The following RAB31 variants were observed in gnomAD, a reference collection of about 807,000 sequenced individuals.
RAB31 encodes RAB31, member RAS oncogene family.
A neutral mutation model predicts 25.6 loss-of-function variants in RAB31; 21 were observed. The ratio of observed to expected loss-of-function variants is 0.82; its 90% CI spans 0.58 to 1.18. The LOEUF (loss-of-function observed/expected upper bound fraction) is 1.18. Ranked by LOEUF, RAB31 falls within the 50% of genes most tolerant of loss-of-function variation. The pLI is 0.00. For missense variants in RAB31, 196 were observed against 250.1 expected (o/e 0.78, Z 1.46); for synonymous variants, 87 against 84.0 (o/e 1.04, Z -0.20).
At chr18:9,775,380 CCTT>C (rs2068366980) in intron 2 of RAB31, 23 bp downstream of exon 2, 1 of 1,613,172 alleles carries the variant, frequency 6.2e-7, no homozygotes, top group Non-Finnish European at 8.5e-7. Flanking sequence ...ATGTCATTCT[CCTT>C]CGCGTTGCTT....
intron 2 of RAB31, among the ~76,000 whole-genome samples, chr18:9,780,399 GA>G (rs1216344262): frequency 6.6e-6 from 1 of 151,808 alleles, no homozygotes; most frequent in African/African-American, 2.4e-5. Flanking sequence ...AACTGAAAAT[GA>G]AAAAAACATG....
intron 2 of RAB31, among the ~76,000 whole-genome samples, chr18:9,783,997 G>T (rs1268866137): frequency 1.3e-5 from 2 of 152,130 alleles, no homozygotes; most frequent in Non-Finnish European, 2.9e-5. Context: ...AAAGTGGAGT[G>T]TATCTATTTT....
chr18:9,846,077 C>T (rs1176936037), intron 6 of RAB31, among the ~76,000 whole-genome samples: 1 of 152,178 alleles, frequency 6.6e-6, no homozygotes, highest in East Asian at 1.9e-4. Flanking sequence ...CTGAGGGAAC[C>T]TTCCAGTAAC....
intron 6 of RAB31, among the ~76,000 whole-genome samples, chr18:9,850,584 G>A (rs479032): frequency 0.65 from 98,626 of 152,176 alleles, 31,997 homozygotes; most frequent in South Asian, 0.75. Context: ...GTTAATTTAA[G>A]TGTTGACTGT....
chr18:9,709,523 G>C (rs960273322), intron 1 of RAB31, among the ~76,000 whole-genome samples: 1 of 152,206 alleles, frequency 6.6e-6, no homozygotes, highest in Admixed American at 6.5e-5. Context: ...AAATGATTTC[G>C]GTGAGGACTG....
At chr18:9,787,068 A>T (rs2068437246) in intron 2 of RAB31, 1 of 208,062 alleles carries the variant, frequency 4.8e-6, no homozygotes. Flanking sequence ...ATCTGCCTGA[A>T]CTACAGCTAT....
rs972755438 is a variant in RAB31, at chr18:9,815,285, T to G, written c.380+63T>G. 36 of 1,006,660 alleles carry G rather than the reference T, an allele frequency of 3.6e-5. 1 individual carries two copies. Among genetic ancestry groups the G allele is most frequent in the East Asian group, 5.5e-5 (1 of 18,338 alleles). 62.4% of individuals were successfully genotyped at this position (1,006,660 alleles called of 1,614,324 possible). A position where few individuals can be genotyped will look rare whatever the true frequency, so the allele number is the denominator to read the frequency against. ...CCTCCATCCCTGAGTGTCATCCGTGTAGATACTGTCCTCCATCCCTGAGTG... is the reference window on the plus strand; with the variant it reads ...CCTCCATCCCTGAGTGTCATCCGTGGAGATACTGTCCTCCATCCCTGAGTG... On this transcript the variant is annotated intron_variant, in intron 5 of 6. Coordinates refer to ENST00000578921, the MANE Select transcript of RAB31 (RefSeq NM_006868.4).
intron 1 of RAB31, chr18:9,734,946 C>A (rs2068143099): frequency 1.3e-5 from 4 of 310,064 alleles, no homozygotes; most frequent in South Asian, 1.2e-4. Flanking sequence ...TTTATAGTAG[C>A]CCAGTTGCAC....
chr18:9,782,229 C>T (rs1172305090), intron 2 of RAB31, among the ~76,000 whole-genome samples: 31 of 152,204 alleles, frequency 2.0e-4, no homozygotes, highest in Admixed American at 2.0e-3. Context: ...AGTTCCTGGC[C>T]CTGGCACTGC....
chr18:9,713,793 C>A (rs1299359032), intron 1 of RAB31, among the ~76,000 whole-genome samples: 1 of 152,216 alleles, frequency 6.6e-6, no homozygotes, highest in African/African-American at 2.4e-5. Context: ...GACCAAGGCG[C>A]TGGCAGATCT....
At position 9,824,810 on chromosome 18, in the gene RAB31, G is replaced by T. The variant is rs571308530; in HGVS notation, c.380+9588G>T. On this transcript the variant is annotated intron_variant, in intron 5 of 6. Transcript: ENST00000578921. Reference sequence around the variant, plus strand: ...TCTTGGTGAGAGATTTTCCTATCTTGAACAACCCTAAACAAAATCTCCCCT... The same window carrying T: ...TCTTGGTGAGAGATTTTCCTATCTTTAACAACCCTAAACAAAATCTCCCCT... Among the ~76,000 whole-genome samples the T allele has an allele frequency of 1.8e-4, 27 of 152,262 alleles. No homozygotes were observed. The East Asian group carries it at 5.2e-3, about 29-fold the overall frequency.
Position 9,859,424 on chromosome 18 carries a change from G to C in RAB31, c.*99G>C. On this transcript the variant is annotated 3_prime_UTR_variant, in exon 7 of 7. Transcript: ENST00000578921. ...TCGGTGGCCTGGCACCTCACTTTGA[G>C]AAGAGTGAGCACACTGGCTTTGCAT... The C allele has an allele frequency of 9.8e-7, 1 of 1,022,410 alleles. No homozygotes were observed. The highest frequency in any genetic ancestry group is 1.5e-6 in the Non-Finnish European group (1 of 684,058). 63.3% of individuals were successfully genotyped at this position (1,022,410 alleles called of 1,614,324 possible).
Position 9,859,717 on chromosome 18 carries a change from C to A in RAB31, c.*392C>A, listed in dbSNP as rs1486892580. The stretch of plus-strand genomic sequence containing the variant: ...GTGCTACCTATCCAAATTCCAGTAA[C>A]TACTTCAGTGTCATTGCCTTTGTTA... On this transcript the variant is annotated 3_prime_UTR_variant, in exon 7 of 7. Transcript: ENST00000578921. The A allele has an allele frequency of 1.3e-5, 2 of 157,594 alleles. No individual in the cohort carries two copies. The highest frequency in any genetic ancestry group is 1.3e-4 in the Admixed American group (2 of 15,470). The allele number at this position is 157,594 out of a possible 1,614,324, so 9.8% of individuals were successfully genotyped here.
intron 5 of RAB31, among the ~76,000 whole-genome samples, chr18:9,833,186 C>T (rs962502882): frequency 6.6e-6 from 1 of 152,220 alleles, no homozygotes; most frequent in African/African-American, 2.4e-5. Context: ...CCAGGAAGGC[C>T]GGATGGCTGC....
At chr18:9,752,607 T>C (rs949832491) in intron 1 of RAB31, among the ~76,000 whole-genome samples, 1 of 152,256 alleles carries the variant, frequency 6.6e-6, no homozygotes, top group Non-Finnish European at 1.5e-5. Flanking sequence ...CAGCATCCCA[T>C]TGACGTCTGT....
intron 5 of RAB31, among the ~76,000 whole-genome samples, chr18:9,820,250 A>G (rs1174554597): frequency 6.6e-6 from 1 of 152,078 alleles, no homozygotes; most frequent in Non-Finnish European, 1.5e-5. Flanking sequence ...GCTTTTTGTC[A>G]TGACTGAATG....
chr18:9,838,637 A>T (rs985165421), intron 5 of RAB31, among the ~76,000 whole-genome samples: 1 of 151,854 alleles, frequency 6.6e-6, no homozygotes. Context: ...CAAAACAAGC[A>T]CCCCTATTGG....
intron 3 of RAB31, among the ~76,000 whole-genome samples, chr18:9,804,672 A>C (rs2068530968): frequency 6.6e-6 from 1 of 152,214 alleles, no homozygotes; most frequent in South Asian, 2.1e-4. Context: ...ATTAGCAAAT[A>C]GACTTTGTTT....
At chr18:9,807,449 G>GT (rs1273763384) in intron 3 of RAB31, among the ~76,000 whole-genome samples, 1 of 152,174 alleles carries the variant, frequency 6.6e-6, no homozygotes, top group African/African-American at 2.4e-5. Flanking sequence ...CACGGTGGCT[G>GT]TGTATGATGC....
Sources: gnomAD v4.1 joint callset for allele counts (sites outside exome capture counted in the v4.1 genomes callset) on GRCh38, gnomAD v4.1.1 for gene constraint, MANE v1.5 for transcripts, NCBI Gene and HGNC (gene_info 2026-07-23, HGNC 2026-07-21) for gene names.